CADM1: variants seen among roughly 807,000 people sequenced by gnomAD.
CADM1 encodes the protein TSLC-1.
CADM1 carries 15 observed loss-of-function variants against 53.1 expected under a neutral mutation model. The observed-to-expected ratio is 0.28, with a 90% CI of 0.19 to 0.44. CADM1 has a LOEUF of 0.44. Ranked by LOEUF, CADM1 falls within the 20% of genes least tolerant of loss-of-function variation. CADM1 has a pLI of 1.00. For missense variants in CADM1, 434 were observed against 611.3 expected (o/e 0.71, Z 3.06); for synonymous variants, 281 against 243.0 (o/e 1.16, Z -1.45).
intron 1 of CADM1, among the ~76,000 whole-genome samples, chr11:115,496,634 G>T (rs1949621206): frequency 6.6e-6 from 1 of 152,168 alleles, no homozygotes; most frequent in East Asian, 1.9e-4. Flanking sequence ...ATCCTGTCCT[G>T]AAAAGAATTA....
intron 1 of CADM1, among the ~76,000 whole-genome samples, chr11:115,272,942 TG>T (rs938690919): frequency 6.6e-6 from 1 of 152,110 alleles, no homozygotes; most frequent in Non-Finnish European, 1.5e-5. Flanking sequence ...GTTTTTACCA[TG>T]GAAAGGCAGA....
chr11:115,391,526 AAGG>A (rs1303505399), intron 1 of CADM1, among the ~76,000 whole-genome samples: 3 of 152,234 alleles, frequency 2.0e-5, no homozygotes, highest in African/African-American at 7.2e-5. Context: ...GTAGAAATAA[AAGG>A]AGAAGGAGGA....
At chr11:115,368,110 C>CTTTTTTTTTTTTTTTTT (rs58589028) in intron 1 of CADM1, among the ~76,000 whole-genome samples, 2 of 61,878 alleles carry the variant, frequency 3.2e-5, no homozygotes, top group African/African-American at 6.8e-5. Context: ...TCACTAGAGT[C>CTTTTTTTTTTTTTTTTT]TTTTTTTTTT....
In CADM1 at chr11:115,394,125, T is replaced by C. The variant is rs140797496; in HGVS notation, c.124+110146A>G. Reference sequence around the variant, plus strand: ...CAGATCTAGATCTACAGACTTAACATCTGCACATGCTCATTGGAAATCTAC... The same window carrying C: ...CAGATCTAGATCTACAGACTTAACACCTGCACATGCTCATTGGAAATCTAC... On this transcript the variant is annotated intron_variant, in intron 1 of 11. Coordinates refer to ENST00000331581, the MANE Select transcript of CADM1 (RefSeq NM_001301043.2). Among the ~76,000 whole-genome samples the C allele has an allele frequency of 6.2e-4, 94 of 152,274 alleles. No individual in the cohort carries two copies. In the East Asian group the frequency reaches 0.018, roughly 29 times the overall value.
intron 1 of CADM1, among the ~76,000 whole-genome samples, chr11:115,421,343 A>G (rs1283210650): frequency 6.6e-6 from 1 of 152,216 alleles, no homozygotes; most frequent in Admixed American, 6.5e-5. Context: ...TTTGCTTACA[A>G]CTACTTGACA....
chr11:115,255,892 C>A (rs1229119026), intron 1 of CADM1, among the ~76,000 whole-genome samples: 1 of 152,182 alleles, frequency 6.6e-6, no homozygotes, highest in African/African-American at 2.4e-5. Flanking sequence ...TCTCCCAAAG[C>A]AGCTAGCTGA....
chr11:115,229,730 A>T (rs1053281518), intron 4 of CADM1, among the ~76,000 whole-genome samples: 1 of 152,246 alleles, frequency 6.6e-6, no homozygotes, highest in Non-Finnish European at 1.5e-5. Flanking sequence ...TCCCCTAAGT[A>T]ATTCAACAAG....
chr11:115,432,659 C>T (rs953193724), intron 1 of CADM1, among the ~76,000 whole-genome samples: 2 of 152,134 alleles, frequency 1.3e-5, no homozygotes, highest in Admixed American at 1.3e-4. Flanking sequence ...ATCAATTACC[C>T]AAACTTCCTG....
chr11:115,267,953 C>T (rs1411507664), intron 1 of CADM1, among the ~76,000 whole-genome samples: 1 of 152,116 alleles, frequency 6.6e-6, no homozygotes, highest in African/African-American at 2.4e-5. Context: ...GTCTTGTTAG[C>T]AAAAGGATTA....
intron 1 of CADM1, among the ~76,000 whole-genome samples, chr11:115,325,088 A>T (rs914581263): frequency 2.6e-5 from 4 of 152,246 alleles, no homozygotes; most frequent in Non-Finnish European, 5.9e-5. Context: ...AAGGCAAAAT[A>T]GCATTTTAAA....
chr11:115,354,517 G>A (rs962214601), intron 1 of CADM1, among the ~76,000 whole-genome samples: 17 of 152,146 alleles, frequency 1.1e-4, no homozygotes, highest in Non-Finnish European at 1.6e-4. Flanking sequence ...CCTTGATGAC[G>A]GACCCTTCTA....
At chr11:115,278,264 G>C (rs146498064) in intron 1 of CADM1, among the ~76,000 whole-genome samples, 8 of 152,270 alleles carry the variant, frequency 5.3e-5, no homozygotes, top group Non-Finnish European at 1.0e-4. Flanking sequence ...CATAGAAAAT[G>C]TTCAGTAAAT....
At chr11:115,296,769 C>T (rs911841382) in intron 1 of CADM1, among the ~76,000 whole-genome samples, 4 of 152,200 alleles carry the variant, frequency 2.6e-5, no homozygotes, top group Admixed American at 6.5e-5. Flanking sequence ...AGTACCATGC[C>T]GCTTTTTGAG....
At chr11:115,337,847 C>A (rs944003812) in intron 1 of CADM1, among the ~76,000 whole-genome samples, 44 of 152,124 alleles carry the variant, frequency 2.9e-4, no homozygotes, top group African/African-American at 1.0e-3. Context: ...ATGAGAGGGT[C>A]ATACTGATAC....
At chr11:115,227,927 T>G (rs1300330773) in intron 5 of CADM1, among the ~76,000 whole-genome samples, 2 of 152,246 alleles carry the variant, frequency 1.3e-5, no homozygotes, top group African/African-American at 4.8e-5. Context: ...AATCTGTGAC[T>G]GTAGCTGAAT....
intron 1 of CADM1, among the ~76,000 whole-genome samples, chr11:115,364,837 A>G (rs1261905043): frequency 6.6e-6 from 1 of 152,224 alleles, no homozygotes; most frequent in Non-Finnish European, 1.5e-5. Flanking sequence ...AAAACGAACA[A>G]TTCAGAACTT....
At position 115,175,960 on chromosome 11, in the gene CADM1, T is replaced by G; in HGVS notation, c.*514A>C. 9.7e-7 allele frequency: 1 copy of G among 1,034,984 alleles called. No individual in the cohort carries two copies. The highest frequency in any genetic ancestry group is 1.2e-6 in the Non-Finnish European group (1 of 860,836). 64.1% of individuals were successfully genotyped at this position (1,034,984 alleles called of 1,614,324 possible). A position where few individuals can be genotyped will look rare whatever the true frequency, so the allele number is the denominator to read the frequency against. ...AAATCTAAGCTGTGCTGGTTCTCCT[T>G]TTATGAAACTGAATTTGGAACAGAA... On this transcript the variant is annotated 3_prime_UTR_variant, in exon 12 of 12. Transcript: ENST00000331581.
intron 1 of CADM1, among the ~76,000 whole-genome samples, chr11:115,329,553 A>G (rs112328347): frequency 0.037 from 5,621 of 152,064 alleles, 337 homozygotes; most frequent in African/African-American, 0.13. Context: ...AGCCGGGGAG[A>G]GCACTTTTGG....
chr11:115,326,300 A>G (rs1288261674), intron 1 of CADM1, among the ~76,000 whole-genome samples: 1 of 152,184 alleles, frequency 6.6e-6, no homozygotes. Flanking sequence ...ATCCAACCCA[A>G]GGTATTTATA....
Sources: allele counts gnomAD v4.1 joint callset (sites outside exome capture counted in the v4.1 genomes callset), GRCh38; gene constraint gnomAD v4.1.1; transcripts MANE v1.5; gene names NCBI Gene and HGNC (gene_info 2026-07-23, HGNC 2026-07-21).